Variants in RANBP2 observed in about 807,000 individuals in gnomAD.
RANBP2 encodes E3 SUMO-protein ligase RanBP2.
RANBP2 carries 57 observed loss-of-function variants against 303.6 expected under a neutral mutation model. That is an observed-to-expected ratio of 0.19 (90% CI 0.15 to 0.23). The LOEUF is 0.23. RANBP2 is among the 10% of genes least tolerant of loss of function. The pLI is 1.00. For missense variants in RANBP2, 3,138 were observed against 3,780.8 expected (o/e 0.83, Z 4.46); for synonymous variants, 1,167 against 1,301.5 (o/e 0.90, Z 2.23).
the RANBP2 span, among the ~76,000 whole-genome samples, chr2:109,100,166 G>A: frequency 2.6e-5 from 4 of 152,180 alleles, no homozygotes; most frequent in African/African-American, 9.7e-5. Context: ...ATTCTCTAAC[G>A]CAGGGGTCCC....
chr2:109,316,338 A>G, the RANBP2 span, among the ~76,000 whole-genome samples: 1 of 152,082 alleles, frequency 6.6e-6, no homozygotes, highest in African/African-American at 2.4e-5. Flanking sequence ...TTGCCAGGTG[A>G]TGGTGGCTGG....
At chr2:108,793,796 A>G in the RANBP2 span, among the ~76,000 whole-genome samples, 518 of 150,240 alleles carry the variant, frequency 3.4e-3, 4 homozygotes, top group African/African-American at 0.012. Context: ...TAGAGACGGG[A>G]TTTCACCGTG....
At chr2:109,191,459 G>A in the RANBP2 span, among the ~76,000 whole-genome samples, 1 of 152,136 alleles carries the variant, frequency 6.6e-6, no homozygotes, top group Admixed American at 6.5e-5. Flanking sequence ...TTTGGGTGCG[G>A]CCAGGCTGTA....
At chr2:109,680,532 T>C in the RANBP2 span, among the ~76,000 whole-genome samples, 1 of 152,152 alleles carries the variant, frequency 6.6e-6, no homozygotes, top group African/African-American at 2.4e-5. Context: ...GTAATAGTAG[T>C]TATCTCTTAA....
chr2:108,918,346 C>G, the RANBP2 span, among the ~76,000 whole-genome samples: 1 of 152,174 alleles, frequency 6.6e-6, no homozygotes, highest in African/African-American at 2.4e-5. Context: ...AGGTTTCACC[C>G]CGGTCCACTG....
chr2:109,245,479 G>C, the RANBP2 span, among the ~76,000 whole-genome samples: 1 of 152,188 alleles, frequency 6.6e-6, no homozygotes, highest in Admixed American at 6.5e-5. Context: ...TCCTATGTGA[G>C]TTGATTATTT....
chr2:109,458,460 A>G, the RANBP2 span, among the ~76,000 whole-genome samples: 97 of 152,192 alleles, frequency 6.4e-4, no homozygotes, highest in Admixed American at 3.0e-3. Context: ...ACTTCAGTTT[A>G]TTTAGTGTGA....
chr2:109,199,953 C>T, the RANBP2 span, among the ~76,000 whole-genome samples: 3 of 148,714 alleles, frequency 2.0e-5, no homozygotes, highest in Non-Finnish European at 4.5e-5. Context: ...TCCCCAGGGA[C>T]GTTTGCAGTG....
At chr2:108,719,897 C>T (rs1052031993) in intron 1 of RANBP2, among the ~76,000 whole-genome samples, 15 of 151,660 alleles carry the variant, frequency 9.9e-5, no homozygotes, top group African/African-American at 2.9e-4. Flanking sequence ...GGCGCTTCCT[C>T]TTTCTCCCGG....
the RANBP2 span, among the ~76,000 whole-genome samples, chr2:109,214,921 A>G: frequency 1.5e-4 from 23 of 152,330 alleles, no homozygotes; most frequent in Admixed American, 9.1e-4. Context: ...ACCACAGCCC[A>G]GGAGCTCTGC....
At chr2:109,710,925 C>T in the RANBP2 span, among the ~76,000 whole-genome samples, 1 of 152,034 alleles carries the variant, frequency 6.6e-6, no homozygotes, top group Non-Finnish European at 1.5e-5. Flanking sequence ...GCTAAGGTGG[C>T]AAGGTAGGCA....
At chr2:109,195,886 C>G in the RANBP2 span, among the ~76,000 whole-genome samples, 4 of 152,178 alleles carry the variant, frequency 2.6e-5, no homozygotes, top group African/African-American at 9.7e-5. Flanking sequence ...CTCGAATTTC[C>G]CTTCCACCTC....
At chr2:109,590,954 A>C in the RANBP2 span, among the ~76,000 whole-genome samples, 1 of 152,316 alleles carries the variant, frequency 6.6e-6, no homozygotes, top group Non-Finnish European at 1.5e-5. Context: ...TTGAGTATGA[A>C]ACCCAGAGCA....
chr2:108,721,823 C>T lies in RANBP2; in HGVS notation c.72+2145C>T, dbSNP rs538290682. ...GTGGCGGGATCGTGGCTCACTGCAG[C>T]GTTGACGTCCTGGGCTCAATCCATC... On this transcript the variant is annotated intron_variant, in intron 1 of 28. Transcript: ENST00000283195. Among the ~76,000 whole-genome samples the T allele has an allele frequency of 3.5e-3, 528 of 152,184 alleles. 1 individual carries two copies. The highest frequency in any genetic ancestry group is 5.4e-3 in the Non-Finnish European group (365 of 67,990).
At chr2:108,997,801 G>T in the RANBP2 span, among the ~76,000 whole-genome samples, 1 of 152,096 alleles carries the variant, frequency 6.6e-6, no homozygotes, top group East Asian at 1.9e-4. Flanking sequence ...TGAGGCAGGA[G>T]AATCACTTGA....
At chr2:108,884,801 CTG>C in the RANBP2 span, 1 of 152,210 alleles carries the variant, frequency 6.6e-6, no homozygotes, top group Non-Finnish European at 1.5e-5. Context: ...AGCCGGGCAG[CTG>C]TGAGTCCAGG....
At chr2:108,924,964 C>G in the RANBP2 span, among the ~76,000 whole-genome samples, 1 of 152,238 alleles carries the variant, frequency 6.6e-6, no homozygotes, top group African/African-American at 2.4e-5. Context: ...AGAAACATCT[C>G]AGGCTCCTAG....
chr2:108,838,702 A>G, the RANBP2 span, among the ~76,000 whole-genome samples: 1 of 152,186 alleles, frequency 6.6e-6, no homozygotes, highest in African/African-American at 2.4e-5. Context: ...ACAAGTAAAT[A>G]GTACTCCAGT....
At chr2:109,115,275 G>T in the RANBP2 span, among the ~76,000 whole-genome samples, 2 of 152,138 alleles carry the variant, frequency 1.3e-5, no homozygotes, top group Non-Finnish European at 2.9e-5. Context: ...AAGTCTCTTT[G>T]TAGGTCACTC....
Sources: gnomAD v4.1 joint callset for allele counts (sites outside exome capture counted in the v4.1 genomes callset) on GRCh38, gnomAD v4.1.1 for gene constraint, MANE v1.5 for transcripts, NCBI Gene and HGNC (gene_info 2026-07-23, HGNC 2026-07-21) for gene names.